SLC66A3: variants seen among roughly 807,000 people sequenced by gnomAD.
The protein encoded by SLC66A3 is solute carrier family 66 member 3.
SLC66A3 carries 23 observed loss-of-function variants against 25.5 expected under a neutral mutation model. The observed-to-expected ratio is 0.90, with a 90% CI of 0.65 to 1.28. The LOEUF (loss-of-function observed/expected upper bound fraction) is 1.28. SLC66A3 is among the 50% of genes most tolerant of loss of function. SLC66A3 has a pLI of 0.00. For missense variants in SLC66A3, 246 were observed against 262.1 expected (o/e 0.94, Z 0.42); for synonymous variants, 108 against 112.6 (o/e 0.96, Z 0.26).
At chr2:11,165,049 A>G (rs966581129) in intron 4 of SLC66A3, among the ~76,000 whole-genome samples, 2 of 152,132 alleles carry the variant, frequency 1.3e-5, no homozygotes, top group Non-Finnish European at 2.9e-5. Flanking sequence ...GCTGTTGGGT[A>G]CACCTCCCAG....
intron 4 of SLC66A3, 84 bp downstream of exon 4, chr2:11,164,345 A>ATATATTT: frequency 1.9e-4 from 18 of 92,788 alleles, no homozygotes; most frequent in Non-Finnish European, 2.7e-4. Flanking sequence ...ATATATATAT[A>ATATATTT]TTTTTTTTTT....
intron 3 of SLC66A3, among the ~76,000 whole-genome samples, chr2:11,162,703 T>G (rs1662170360): frequency 1.3e-5 from 2 of 152,088 alleles, no homozygotes; most frequent in African/African-American, 4.8e-5. Flanking sequence ...GCCTCCCGGG[T>G]TCACGCCATT....
intron 4 of SLC66A3, among the ~76,000 whole-genome samples, chr2:11,170,004 A>G (rs899358240): frequency 2.0e-5 from 3 of 151,826 alleles, no homozygotes; most frequent in African/African-American, 7.2e-5. Context: ...ACACCCAGCT[A>G]ATTTTTGTGT....
At chr2:11,169,837 CTTTT>C (rs1186098636) in intron 4 of SLC66A3, among the ~76,000 whole-genome samples, 3 of 89,038 alleles carry the variant, frequency 3.4e-5, no homozygotes, top group East Asian at 3.1e-4. Context: ...GGATTTCTCT[CTTTT>C]TTTTTTTTTT....
chr2:11,170,880 C>T (rs1326476948), intron 4 of SLC66A3, among the ~76,000 whole-genome samples: 2 of 152,076 alleles, frequency 1.3e-5, no homozygotes, highest in African/African-American at 2.4e-5. Flanking sequence ...TGAGCCACCG[C>T]ACCTGGCTCC....
At chr2:11,163,173 A>C (rs1662187486) in intron 3 of SLC66A3, among the ~76,000 whole-genome samples, 1 of 152,214 alleles carries the variant, frequency 6.6e-6, no homozygotes, top group African/African-American at 2.4e-5. Flanking sequence ...TGAAATTAAA[A>C]TTTAACTGGG....
intron 1 of SLC66A3, among the ~76,000 whole-genome samples, chr2:11,159,489 A>G (rs1357146797): frequency 6.6e-6 from 1 of 152,196 alleles, no homozygotes; most frequent in Admixed American, 6.5e-5. Context: ...GCTCAGGGCA[A>G]CACTGTGACC....
At chr2:11,155,895 C>T (rs563094076) in intron 1 of SLC66A3, among the ~76,000 whole-genome samples, 2 of 152,226 alleles carry the variant, frequency 1.3e-5, no homozygotes, top group Non-Finnish European at 2.9e-5. Context: ...TTGTTTCTCA[C>T]CAAGCCCCGC....
chr2:11,164,294 A>C, intron 4 of SLC66A3, 33 bp downstream of exon 4: 1 of 1,138,162 alleles, frequency 8.8e-7, no homozygotes, highest in Non-Finnish European at 1.2e-6. Context: ...AAGTAGGAGG[A>C]ATAAGCTACC....
Position 11,161,262 on chromosome 2 carries a change from G to GT in SLC66A3, c.296+581dup, listed in dbSNP as rs752968971. On this transcript the variant is annotated intron_variant, in intron 3 of 6. Coordinates refer to ENST00000295083, the MANE Select transcript of SLC66A3 (RefSeq NM_152391.5). Reference sequence around the variant, plus strand: ...ACACTCCTTAAAAAGCCAGGAGAGTGTTTTTTTTTTTTTGTTTCATTTTTG... The same window carrying GT: ...ACACTCCTTAAAAAGCCAGGAGAGTGTTTTTTTTTTTTTTGTTTCATTTTTG... Among the ~76,000 whole-genome samples the GT allele has an allele frequency of 7.4e-3, 510 of 69,262 alleles. 4 individuals are homozygous for GT. Among genetic ancestry groups the GT allele is most frequent in the Middle Eastern group, 0.03 (4 of 132 alleles). 45.4% of individuals were successfully genotyped at this position (69,262 alleles called of 152,430 possible).
intron 1 of SLC66A3, among the ~76,000 whole-genome samples, chr2:11,158,459 A>G (rs1043640270): frequency 1.3e-5 from 2 of 152,210 alleles, no homozygotes; most frequent in Admixed American, 6.5e-5. Context: ...TCAGGAGATC[A>G]AGACCATCCT....
chr2:11,160,835 C>A (rs558985030), intron 3 of SLC66A3, 141 bp downstream of exon 3: 5 of 1,338,998 alleles, frequency 3.7e-6, no homozygotes, highest in Non-Finnish European at 5.0e-6. Flanking sequence ...CAAATGCAAA[C>A]GTGTCCATGT....
chr2:11,176,058 G>A (rs1445933157), intron 6 of SLC66A3, among the ~76,000 whole-genome samples: 1 of 152,168 alleles, frequency 6.6e-6, no homozygotes, highest in Non-Finnish European at 1.5e-5. Flanking sequence ...CTTTCCACAG[G>A]ACTTGAATTC....
intron 1 of SLC66A3, 37 bp from the exon 2 acceptor site, chr2:11,160,429 G>A (rs1323168116): frequency 1.3e-6 from 2 of 1,588,702 alleles, no homozygotes; most frequent in South Asian, 2.2e-5. Context: ...GCTGCGTTTT[G>A]GGGCAGCCGT....
intron 3 of SLC66A3, chr2:11,160,898 C>A: frequency 1.2e-6 from 1 of 834,308 alleles, no homozygotes; most frequent in Non-Finnish European, 1.8e-6. Flanking sequence ...GACCAGCATG[C>A]CCTGGGCGGT....
intron 4 of SLC66A3, among the ~76,000 whole-genome samples, chr2:11,164,988 C>A (rs1429351758): frequency 2.6e-5 from 4 of 152,244 alleles, no homozygotes; most frequent in African/African-American, 9.6e-5. Context: ...CCCCTTTCCC[C>A]CTTTTCTATT....
At chr2:11,170,206 A>G (rs1236968671) in intron 4 of SLC66A3, among the ~76,000 whole-genome samples, 1 of 152,054 alleles carries the variant, frequency 6.6e-6, no homozygotes, top group African/African-American at 2.4e-5. Context: ...TTTGAAATAT[A>G]TCCGGAACCT....
rs994277429 is a variant in SLC66A3 at position 11,178,581 on chromosome 2, T to C, written c.*753T>C. The C allele has an allele frequency of 6.5e-6, 1 of 152,756 alleles. No homozygotes were observed. The highest frequency in any genetic ancestry group is 1.9e-4 in the East Asian group (1 of 5,194). 9.5% of individuals were successfully genotyped at this position (152,756 alleles called of 1,614,324 possible). A position where few individuals can be genotyped will look rare whatever the true frequency, so the allele number is the denominator to read the frequency against. On this transcript the variant is annotated 3_prime_UTR_variant, in exon 7 of 7. Transcript: ENST00000295083. ...ACTATAGAATTACCACTGTTGGAAT[T>C]TGGTACAAAATATGTTTTGTCTATT...
chr2:11,169,605 G>C (rs1662472687), intron 4 of SLC66A3, among the ~76,000 whole-genome samples: 1 of 151,896 alleles, frequency 6.6e-6, no homozygotes, highest in Non-Finnish European at 1.5e-5. Flanking sequence ...TTCCTCCTCA[G>C]CTCCCTGACT....
Sources: gnomAD v4.1 joint callset for allele counts (sites outside exome capture counted in the v4.1 genomes callset) on GRCh38, gnomAD v4.1.1 for gene constraint, MANE v1.5 for transcripts, NCBI Gene and HGNC (gene_info 2026-07-23, HGNC 2026-07-21) for gene names.